Variants in ALPK1 observed in about 807,000 individuals in gnomAD.
ALPK1 encodes the protein alpha-protein kinase 1.
In ALPK1, 110 loss-of-function variants were observed where a neutral mutation model predicts 120.6. The observed-to-expected ratio is 0.91, with a 90% CI of 0.78 to 1.07. The LOEUF is 1.07. Ranked by LOEUF, ALPK1 falls within the 50% of genes least tolerant of loss-of-function variation. ALPK1 has a pLI of 0.00. For missense variants in ALPK1, 1,498 were observed against 1,483.9 expected, an observed-to-expected ratio of 1.01 and a Z score of -0.16; for synonymous variants, 582 against 560.3, an observed-to-expected ratio of 1.04 and a Z score of -0.55.
intron 10 of ALPK1, 68 bp from the exon 11 acceptor site, chr4:112,430,378 GAA>G (rs1734482804): frequency 2.9e-6 from 4 of 1,374,268 alleles, no homozygotes; most frequent in Non-Finnish European, 4.0e-6. Context: ...CTCCAGAAAT[GAA>G]AAGTTTGTCC....
chr4:112,379,310 T>C (rs1731798002), intron 3 of ALPK1, among the ~76,000 whole-genome samples: 1 of 152,352 alleles, frequency 6.6e-6, no homozygotes, highest in African/African-American at 2.4e-5. Context: ...ATCACTAAAT[T>C]AGACATGGCC....
intron 1 of ALPK1, among the ~76,000 whole-genome samples, chr4:112,311,612 G>A (rs996430739): frequency 1.3e-5 from 2 of 152,152 alleles, no homozygotes; most frequent in Non-Finnish European, 1.5e-5. Flanking sequence ...CTCTCCCAAG[G>A]ACCTGAAGCT....
chr4:112,411,716 T>C (rs1733472841), intron 4 of ALPK1, 111 bp from the exon 5 acceptor site: 1 of 1,024,620 alleles, frequency 9.8e-7, no homozygotes, highest in South Asian at 1.4e-5. Flanking sequence ...TATTTTTCTC[T>C]TCCTAGCTGT....
intron 2 of ALPK1, among the ~76,000 whole-genome samples, chr4:112,325,435 T>C (rs1203350628): frequency 1.3e-5 from 2 of 152,232 alleles, no homozygotes; most frequent in African/African-American, 4.8e-5. Flanking sequence ...AAGATTCCCT[T>C]GCAGGGCAGG....
Position 112,432,465 on chromosome 4 carries a change from G to T in ALPK1, c.2918G>T (p.Arg973Leu), listed in dbSNP as rs202085322. 5 of 1,614,132 alleles carry T rather than the reference G, an allele frequency of 3.1e-6. No individual in the cohort carries two copies. Among genetic ancestry groups the T allele is most frequent in the Non-Finnish European group, 4.2e-6 (5 of 1,180,020 alleles). Residue 973 changes from arginine to leucine, a missense_variant, in exon 11 of 16, where the codon CGC becomes CTC. Transcript: ENST00000650871. ...ATGAGGAAAGAGATCCTTGAGGCTC[G>T]CACCTTGCAACCTGATGACTTTGAA... ...GKMRKEILEA[R>L]TLQPDDFEKL...
Position 112,431,885 on chromosome 4 carries a change from G to A in ALPK1, c.2338G>A (p.Ala780Thr), listed in dbSNP as rs377058262. The A allele has an allele frequency of 1.2e-6, 2 of 1,613,896 alleles. No individual in the cohort carries two copies. The highest frequency in any genetic ancestry group is 1.3e-5 in the African/African-American group (1 of 74,930). ...SERGAGPTFK[A>T]SPSWVDPEGE... ...AAGAGGCGCAGGCCCTACATTTAAA[G>A]CTAGTCCCTCCTGGGTTGACCCAGA... The change falls in exon 11 of 16, where the codon GCT (alanine) becomes ACT (threonine). Residue 780 changes from alanine (A) to threonine (T), a missense_variant. Transcript: ENST00000650871.
At chr4:112,340,675 AT>A (rs1216959007) in intron 2 of ALPK1, among the ~76,000 whole-genome samples, 1 of 152,152 alleles carries the variant, frequency 6.6e-6, no homozygotes, top group East Asian at 1.9e-4. Flanking sequence ...CTTATTTGTG[AT>A]TTCCACTTTG....
At chr4:112,351,672 C>T (rs186716486) in intron 2 of ALPK1, among the ~76,000 whole-genome samples, 65 of 152,186 alleles carry the variant, frequency 4.3e-4, no homozygotes, top group Admixed American at 7.8e-4. Context: ...TGGGGATTTG[C>T]CATGTTGGCC....
At chr4:112,306,908 A>G (rs562893266) in intron 1 of ALPK1, among the ~76,000 whole-genome samples, 1 of 152,202 alleles carries the variant, frequency 6.6e-6, no homozygotes, top group East Asian at 1.9e-4. Context: ...ATTTCCCTCT[A>G]CACTCTACTT....
chr4:112,381,206 G>A (rs1046563994), intron 3 of ALPK1, among the ~76,000 whole-genome samples: 2 of 152,204 alleles, frequency 1.3e-5, no homozygotes, highest in African/African-American at 4.8e-5. Context: ...AGGAGAAAAT[G>A]GATTTTAGGA....
At chr4:112,339,177 T>C (rs1340539586) in intron 2 of ALPK1, among the ~76,000 whole-genome samples, 1 of 152,118 alleles carries the variant, frequency 6.6e-6, no homozygotes, top group Non-Finnish European at 1.5e-5. Context: ...TTGTACAAGG[T>C]TATCCAAATG....
chr4:112,393,802 C>T (rs1732531393), intron 4 of ALPK1, among the ~76,000 whole-genome samples: 1 of 152,134 alleles, frequency 6.6e-6, no homozygotes, highest in Non-Finnish European at 1.5e-5. Flanking sequence ...ATTTAAAATG[C>T]AATGTTATTC....
intron 2 of ALPK1, chr4:112,359,096 T>A: frequency 1.4e-6 from 1 of 733,146 alleles, no homozygotes; most frequent in Non-Finnish European, 2.6e-6. Context: ...CAGCGCCGGA[T>A]CCCAAGCTGA....
intron 2 of ALPK1, among the ~76,000 whole-genome samples, chr4:112,354,577 C>T (rs537532405): frequency 1.3e-3 from 193 of 152,250 alleles, no homozygotes; most frequent in African/African-American, 4.4e-3. Context: ...AAGTGAATCT[C>T]GAGCCTCAGC....
intron 1 of ALPK1, among the ~76,000 whole-genome samples, chr4:112,309,488 G>A (rs559399513): frequency 6.6e-6 from 1 of 152,216 alleles, no homozygotes; most frequent in African/African-American, 2.4e-5. Flanking sequence ...CCTGCAGTTC[G>A]ATCTCAGACT....
intron 1 of ALPK1, among the ~76,000 whole-genome samples, chr4:112,313,312 G>C (rs191428540): frequency 3.3e-5 from 5 of 152,186 alleles, no homozygotes; most frequent in African/African-American, 1.2e-4. Context: ...AAAAGACTAA[G>C]GAGTGATCAG....
chr4:112,331,145 T>C (rs546467905), intron 2 of ALPK1, among the ~76,000 whole-genome samples: 1 of 152,286 alleles, frequency 6.6e-6, no homozygotes, highest in South Asian at 2.1e-4. Context: ...TGTGGTTGAG[T>C]CCATGCATAA....
At position 112,439,706 on chromosome 4, in the gene ALPK1, A is replaced by C; in HGVS notation, c.3372A>C (p.Ile1124=). 1 of 1,606,606 alleles carries C rather than the reference A, an allele frequency of 6.2e-7. No individual in the cohort carries two copies. Among genetic ancestry groups the C allele is most frequent in the South Asian group, 1.1e-5 (1 of 89,958 alleles). ...TILLILEDKT[I]KGCISVEPYI... Reference sequence around the variant, plus strand: ...TTCAGATTTTAGAGGACAAGACAATAAAGGGATGTATCAGTGTGGAGCCTT... The same window carrying C: ...TTCAGATTTTAGAGGACAAGACAATCAAGGGATGTATCAGTGTGGAGCCTT... The change falls in exon 14 of 16, where the codon ATA becomes ATC. Residue 1124 remains isoleucine (I), a synonymous_variant. Transcript: ENST00000650871.
chr4:112,331,814 T>G (rs1306199026), intron 2 of ALPK1, among the ~76,000 whole-genome samples: 1 of 152,184 alleles, frequency 6.6e-6, no homozygotes, highest in African/African-American at 2.4e-5. Flanking sequence ...CTTGTATATA[T>G]CTCTTCAACT....
Sources: allele counts gnomAD v4.1 joint callset (sites outside exome capture counted in the v4.1 genomes callset), GRCh38; gene constraint gnomAD v4.1.1; transcripts MANE v1.5; gene names NCBI Gene and HGNC (gene_info 2026-07-23, HGNC 2026-07-21).